Variants in CMSS1 observed in about 807,000 individuals in gnomAD.
CMSS1 encodes the protein protein CMSS1.
A neutral mutation model predicts 43.5 loss-of-function variants in CMSS1; 33 were observed. The ratio of observed to expected loss-of-function variants is 0.76; its 90% CI spans 0.57 to 1.01. The LOEUF (loss-of-function observed/expected upper bound fraction) is 1.01. Among genes scored for constraint, CMSS1 ranks in the 50% least tolerant of loss-of-function variants. The pLI is 0.00. For synonymous variants in CMSS1, 115 were observed against 117.2 expected (o/e 0.98, Z 0.12); for missense variants, 313 against 326.4 (o/e 0.96, Z 0.32).
At chr3:100,116,710 T>G (rs1442882113) in intron 1 of CMSS1, among the ~76,000 whole-genome samples, 1 of 152,202 alleles carries the variant, frequency 6.6e-6, no homozygotes, top group Non-Finnish European at 1.5e-5. Context: ...TCTAACACCA[T>G]AGACATAATC....
chr3:100,031,961 A>G (rs2065028697), intron 1 of CMSS1, among the ~76,000 whole-genome samples: 1 of 151,948 alleles, frequency 6.6e-6, no homozygotes, highest in Non-Finnish European at 1.5e-5. Context: ...TTAAATTTGA[A>G]TTTTATGTAT....
chr3:100,035,125 G>A (rs2065085308), intron 1 of CMSS1, among the ~76,000 whole-genome samples: 1 of 152,144 alleles, frequency 6.6e-6, no homozygotes, highest in Admixed American at 6.5e-5. Context: ...CAAATTGTAT[G>A]TGTTTCAAGT....
intron 1 of CMSS1, among the ~76,000 whole-genome samples, chr3:99,944,309 C>T (rs1436903893): frequency 2.6e-5 from 4 of 152,146 alleles, no homozygotes; most frequent in African/African-American, 9.7e-5. Flanking sequence ...TATGATCCTG[C>T]CAGTTTGGAG....
Position 100,126,953 on chromosome 3 carries a change from T to G in CMSS1, c.65-20020T>G, listed in dbSNP as rs373412803. ...GCGGAGCTTGCAGTGAGCCGAGATC[T>G]CGCCACTGCACTCTAGCCTGGGCGA... On this transcript the variant is annotated intron_variant, in intron 1 of 9. Coordinates refer to ENST00000421999, the MANE Select transcript of CMSS1 (RefSeq NM_032359.4). Among the ~76,000 whole-genome samples, 144 of 151,260 alleles carry G rather than the reference T, an allele frequency of 9.5e-4. 1 individual carries two copies. The highest frequency in any genetic ancestry group is 3.3e-3 in the African/African-American group (135 of 41,126).
chr3:99,957,689 C>CTTTTTTTTTTTTTTTTTTTTTTT (rs1708363173), intron 1 of CMSS1, among the ~76,000 whole-genome samples: 1 of 7,964 alleles, frequency 1.3e-4, no homozygotes, highest in Non-Finnish European at 3.0e-4. Flanking sequence ...TCTTTTCTTT[C>CTTTTTTTTTTTTTTTTTTTTTTT]TTTCTTTTTT....
chr3:100,089,513 C>T (rs956018390), intron 1 of CMSS1, among the ~76,000 whole-genome samples: 2 of 152,094 alleles, frequency 1.3e-5, no homozygotes, highest in Non-Finnish European at 1.5e-5. Context: ...TTTCTGCATC[C>T]ACCTATAAGT....
At chr3:100,004,186 A>T (rs1485512883) in intron 1 of CMSS1, among the ~76,000 whole-genome samples, 1 of 152,148 alleles carries the variant, frequency 6.6e-6, no homozygotes, top group African/African-American at 2.4e-5. Context: ...TTTCCCCCTT[A>T]CATATTCTCC....
At chr3:99,949,077 G>A (rs1708100428) in intron 1 of CMSS1, among the ~76,000 whole-genome samples, 1 of 152,134 alleles carries the variant, frequency 6.6e-6, no homozygotes, top group Non-Finnish European at 1.5e-5. Context: ...AAATTTTGGT[G>A]AGTAAATTCC....
At chr3:99,987,253 G>A (rs1384402431) in intron 1 of CMSS1, among the ~76,000 whole-genome samples, 2 of 150,436 alleles carry the variant, frequency 1.3e-5, no homozygotes, top group African/African-American at 4.9e-5. Flanking sequence ...AAAAGGCCAG[G>A]CACAGTGGCT....
chr3:99,849,270 T>C (rs775578797), intron 1 of CMSS1: 3 of 1,614,240 alleles, frequency 1.9e-6, no homozygotes, highest in South Asian at 1.1e-5. Flanking sequence ...CTACTGCTTC[T>C]GTCTGAACTT....
chr3:100,112,449 T>C (rs2066507798), intron 1 of CMSS1, among the ~76,000 whole-genome samples: 1 of 152,190 alleles, frequency 6.6e-6, no homozygotes, highest in East Asian at 1.9e-4. Context: ...ATAAAATATC[T>C]TCATTTCCAG....
intron 1 of CMSS1, chr3:100,114,662 A>C (rs2066541541): frequency 4.2e-6 from 1 of 235,536 alleles, no homozygotes. Context: ...TCCCAAGCAC[A>C]ACCTGGGTCC....
rs111384893 is a variant in CMSS1, at chr3:100,163,405, T to C, written c.355+973T>C. ...GTCAAAAGGTAGGAACAAAATTCTGTATGTTTTGCGAGGCTGACACTTTGC... is the reference window on the plus strand; with the variant it reads ...GTCAAAAGGTAGGAACAAAATTCTGCATGTTTTGCGAGGCTGACACTTTGC... On this transcript the variant is annotated intron_variant, in intron 4 of 9. Coordinates refer to ENST00000421999, the MANE Select transcript of CMSS1 (RefSeq NM_032359.4). Among the ~76,000 whole-genome samples the C allele has an allele frequency of 8.1e-4, 124 of 152,342 alleles. 1 individual carries two copies. Among genetic ancestry groups the C allele is most frequent in the African/African-American group, 2.8e-3 (118 of 41,584 alleles).
intron 1 of CMSS1, among the ~76,000 whole-genome samples, chr3:100,096,399 G>A (rs566101958): frequency 6.6e-6 from 1 of 152,182 alleles, no homozygotes; most frequent in East Asian, 1.9e-4. Context: ...AGAAAATGTG[G>A]TACTTAAACA....
chr3:99,830,795 G>A (rs949121471), intron 1 of CMSS1, among the ~76,000 whole-genome samples: 2 of 152,180 alleles, frequency 1.3e-5, no homozygotes, highest in African/African-American at 2.4e-5. Context: ...TGTTGAATGT[G>A]TGCTGTGTGC....
chr3:100,170,517 T>G (rs1429610508), intron 6 of CMSS1, among the ~76,000 whole-genome samples: 1 of 152,160 alleles, frequency 6.6e-6, no homozygotes, highest in Non-Finnish European at 1.5e-5. Context: ...TGGGAAACAT[T>G]ATCAGTTGCC....
intron 1 of CMSS1, among the ~76,000 whole-genome samples, chr3:99,844,968 CT>C (rs1943296967): frequency 6.6e-6 from 1 of 152,164 alleles, no homozygotes; most frequent in Non-Finnish European, 1.5e-5. Context: ...TAAAACCTTT[CT>C]TCTTGATAAA....
chr3:100,035,591 C>T (rs2107273019), intron 1 of CMSS1, among the ~76,000 whole-genome samples: 1 of 152,260 alleles, frequency 6.6e-6, no homozygotes, highest in Non-Finnish European at 1.5e-5. Flanking sequence ...TTTTAATGCC[C>T]TCTGGTTCCC....
At chr3:100,081,248 T>C (rs1559751074) in intron 1 of CMSS1, among the ~76,000 whole-genome samples, 1 of 152,202 alleles carries the variant, frequency 6.6e-6, no homozygotes, top group Non-Finnish European at 1.5e-5. Flanking sequence ...AGATAAATCA[T>C]CTTTTATCTC....
Sources: allele counts gnomAD v4.1 joint callset (sites outside exome capture counted in the v4.1 genomes callset), GRCh38; gene constraint gnomAD v4.1.1; transcripts MANE v1.5; gene names NCBI Gene and HGNC (gene_info 2026-07-23, HGNC 2026-07-21).